Variants in TECTA observed in about 807,000 individuals in gnomAD.
The protein encoded by TECTA is tectorin alpha.
Under a neutral mutation model 216.8 loss-of-function variants are expected in TECTA, and 128 were observed. The ratio of observed to expected loss-of-function variants is 0.59; its 90% CI spans 0.51 to 0.68. The LOEUF (loss-of-function observed/expected upper bound fraction) is 0.68, where lower values mean the gene tolerates loss of function less well. TECTA is among the 30% of genes least tolerant of loss of function. TECTA has a pLI of 0.00. For synonymous variants in TECTA, 1,089 were observed against 1,117.1 expected (o/e 0.97, Z 0.50); for missense variants, 2,551 against 2,786.2 (o/e 0.92, Z 1.90).
At chr11:121,189,907 G>A (rs1947325562) in intron 23 of TECTA, 27 bp downstream of exon 23, 2 of 1,591,286 alleles carry the variant, frequency 1.3e-6, no homozygotes, top group African/African-American at 2.7e-5. Context: ...CCTGGGGCAG[G>A]CAGCTGGGAG....
intron 20 of TECTA, among the ~76,000 whole-genome samples, chr11:121,187,062 G>T (rs560550078): frequency 6.6e-6 from 1 of 152,214 alleles, no homozygotes; most frequent in Admixed American, 6.5e-5. Flanking sequence ...GGCATGACTA[G>T]GGGACATTTA....
intron 4 of TECTA, chr11:121,109,845 C>G (rs1946426910): frequency 3.1e-6 from 1 of 317,830 alleles, no homozygotes; most frequent in South Asian, 3.1e-5. Flanking sequence ...AGGGACCCAT[C>G]TAGGGACCCA....
rs548760392 is a variant in TECTA, at chr11:121,171,641, A to C, written c.5999+2716A>C. 2.0e-5 allele frequency among the ~76,000 whole-genome samples: 3 copies of C among 152,126 alleles called. No homozygotes were observed. In the South Asian group the frequency reaches 6.2e-4, roughly 32 times the overall value. On this transcript the variant is annotated intron_variant, in intron 20 of 23. Coordinates refer to ENST00000392793, the MANE Select transcript of TECTA (RefSeq NM_005422.4). ...CCTTGTAGAGATTTTCACTTGGTTA[A>C]ATTTATTCCTAGATTTCTCATTTTT...
intron 6 of TECTA, among the ~76,000 whole-genome samples, chr11:121,116,718 C>A (rs1946505510): frequency 6.6e-6 from 1 of 152,138 alleles, no homozygotes; most frequent in African/African-American, 2.4e-5. Flanking sequence ...ATTCCACAAA[C>A]AAAATTATCT....
intron 10 of TECTA, 58 bp from the exon 11 acceptor site, chr11:121,137,363 C>T: frequency 1.2e-6 from 2 of 1,612,254 alleles, no homozygotes; most frequent in South Asian, 1.1e-5. Context: ...TGCACGCACA[C>T]TTCTGTCTCT....
chr11:121,121,840 A>T (rs1398680622), intron 7 of TECTA, among the ~76,000 whole-genome samples: 2 of 152,216 alleles, frequency 1.3e-5, no homozygotes, highest in African/African-American at 4.8e-5. Context: ...TTTGACATTC[A>T]TAATTATACC....
rs772970789 is a variant in TECTA, at chr11:121,127,852, G to A, written c.1875G>A (p.Thr625=). The A allele has an allele frequency of 6.2e-6, 10 of 1,614,020 alleles. No individual in the cohort carries two copies. Among genetic ancestry groups the A allele is most frequent in the South Asian group, 3.3e-5 (3 of 91,066 alleles). The change falls in exon 9 of 24, where the codon ACG becomes ACA. Residue 625 remains threonine, a synonymous_variant. Coordinates refer to ENST00000392793, the MANE Select transcript of TECTA (RefSeq NM_005422.4). This position sits in a 1 kb window ranked among gnomAD's most constrained non-coding sequence, Gnocchi z 5.0. ...SDLTASRNCA[T]PCTEGCECNQ... Reference sequence around the variant, plus strand: ...TGACGGCCTCGCGGAACTGCGCCACGCCGTGCACAGAGGGCTGCGAGTGCA... The same window carrying A: ...TGACGGCCTCGCGGAACTGCGCCACACCGTGCACAGAGGGCTGCGAGTGCA...
intron 22 of TECTA, among the ~76,000 whole-genome samples, chr11:121,189,380 T>C (rs568207810): frequency 6.6e-6 from 1 of 151,704 alleles, no homozygotes; most frequent in Non-Finnish European, 1.5e-5. Context: ...CTCCTCTTTT[T>C]TTTTTTTCTT....
In TECTA at chr11:121,102,859, T is replaced by A. The variant is rs531024679; in HGVS notation, c.64+130T>A. ...CTACAGATACAAGAGAAAAATGTAA[T>A]TAAATTCTATTATCAAGGGTAAAAT... On this transcript the variant is annotated intron_variant, in intron 2 of 23. Coordinates refer to ENST00000392793, the MANE Select transcript of TECTA (RefSeq NM_005422.4). 5.0e-6 allele frequency: 4 copies of A among 802,652 alleles called. No individual in the cohort carries two copies. The East Asian group carries it at 9.8e-5, about 20-fold the overall frequency. 49.7% of individuals were successfully genotyped at this position (802,652 alleles called of 1,614,324 possible). A position where few individuals can be genotyped will look rare whatever the true frequency, so the allele number is the denominator to read the frequency against.
Position 121,126,610 on chromosome 11 carries a change from A to G in TECTA, c.1774+738A>G, listed in dbSNP as rs969116586. ...CTTGGTTTTCTCCATATGAGTAAAT[A>G]GAAAATTGTAATCCATGCATTTGAG... On this transcript the variant is annotated intron_variant, in intron 8 of 23. Transcript: ENST00000392793. Among the ~76,000 whole-genome samples the G allele has an allele frequency of 5.9e-5, 9 of 152,226 alleles. No homozygotes were observed. The South Asian group carries it at 6.2e-4, about 11-fold the overall frequency.
chr11:121,124,353 A>C (rs1946586471), intron 7 of TECTA, among the ~76,000 whole-genome samples: 1 of 151,948 alleles, frequency 6.6e-6, no homozygotes, highest in Non-Finnish European at 1.5e-5. Flanking sequence ...GTCCAGTAAC[A>C]CCTCAGTGTC....
At chr11:121,142,821 C>T (rs1216235180) in intron 11 of TECTA, among the ~76,000 whole-genome samples, 2 of 152,146 alleles carry the variant, frequency 1.3e-5, no homozygotes, top group African/African-American at 2.4e-5. Flanking sequence ...CTCCCGTGGC[C>T]GCTCTTCCTG....
intron 7 of TECTA, among the ~76,000 whole-genome samples, chr11:121,124,802 C>T (rs148731172): frequency 9.0e-4 from 137 of 152,306 alleles, no homozygotes; most frequent in African/African-American, 3.1e-3. Context: ...AATACTACAT[C>T]AGGACAGCCT....
chr11:121,186,295 T>A (rs1947286759), intron 20 of TECTA, among the ~76,000 whole-genome samples: 1 of 152,234 alleles, frequency 6.6e-6, no homozygotes, highest in South Asian at 2.1e-4. Context: ...TACAAGTGGC[T>A]TGTAAGTCTG....
chr11:121,186,052 G>A (rs10892686), intron 20 of TECTA, among the ~76,000 whole-genome samples: 150 of 63,502 alleles, frequency 2.4e-3, no homozygotes, highest in African/African-American at 9.7e-3. Context: ...CAGATGTTCA[G>A]TGCTTAATGA....
chr11:121,168,830 T>A lies in TECTA; in HGVS notation c.5904T>A (p.Ala1968=). 1 of 1,614,232 alleles carries A rather than the reference T, an allele frequency of 6.2e-7. No individual in the cohort carries two copies. The highest frequency in any genetic ancestry group is 1.1e-5 in the South Asian group (1 of 91,082). Residue 1968 remains alanine, a synonymous_variant, in exon 20 of 24, where the codon GCT becomes GCA. Transcript: ENST00000392793. ...VLYVGVFVVG[A]DATHLILTLN... ...ATGTAGGGGTTTTTGTGGTTGGAGC[T>A]GACGCCACACATTTAATCCTAACAC...
chr11:121,185,410 C>A (rs199590493), intron 20 of TECTA, among the ~76,000 whole-genome samples: 2,798 of 70,258 alleles, frequency 0.04, 2 homozygotes, highest in South Asian at 0.11. Context: ...GTAGGGAAAG[C>A]AGATGTTCAA....
intron 20 of TECTA, among the ~76,000 whole-genome samples, chr11:121,183,666 G>A (rs1947253750): frequency 6.6e-6 from 1 of 152,174 alleles, no homozygotes; most frequent in African/African-American, 2.4e-5. Flanking sequence ...GGCAGAGGTT[G>A]CAGTGAGCTG....
chr11:121,180,523 CT>C (rs1947216368), intron 20 of TECTA, among the ~76,000 whole-genome samples: 1 of 152,058 alleles, frequency 6.6e-6, no homozygotes, highest in Non-Finnish European at 1.5e-5. Flanking sequence ...TAACTTGATG[CT>C]TTTCTTTCAC....
Sources: gnomAD v4.1 joint callset for allele counts (sites outside exome capture counted in the v4.1 genomes callset) on GRCh38, gnomAD v4.1.1 for gene constraint, Gnocchi (gnomAD v3.1) non-coding constraint, MANE v1.5 for transcripts, NCBI Gene and HGNC (gene_info 2026-07-23, HGNC 2026-07-21) for gene names.